PAPPA: variants seen among roughly 807,000 people sequenced by gnomAD.
The protein encoded by PAPPA is pappalysin-1.
PAPPA carries 60 observed loss-of-function variants against 164.0 expected under a neutral mutation model. The observed-to-expected ratio is 0.37, with a 90% CI of 0.30 to 0.45. PAPPA has a LOEUF of 0.45. Ranked by LOEUF, PAPPA falls within the 20% of genes least tolerant of loss-of-function variation. The pLI is 1.00. For missense variants in PAPPA, 1,782 were observed against 2,087.3 expected (o/e 0.85, Z 2.85); for synonymous variants, 875 against 814.1 (o/e 1.07, Z -1.27).
At chr9:116,393,840 G>A (rs1017228149) in intron 21 of PAPPA, among the ~76,000 whole-genome samples, 2 of 152,174 alleles carry the variant, frequency 1.3e-5, no homozygotes, top group African/African-American at 4.8e-5. Flanking sequence ...AAGCCACTGA[G>A]AGTGAGGAGG....
At chr9:116,239,416 C>T (rs562114662) in intron 7 of PAPPA, among the ~76,000 whole-genome samples, 2 of 152,240 alleles carry the variant, frequency 1.3e-5, no homozygotes, top group African/African-American at 2.4e-5. Flanking sequence ...GAGGCCAACA[C>T]ATTAAGCCCT....
At chr9:116,169,307 A>ATTTTTTTTTTTT (rs1843748582) in intron 1 of PAPPA, among the ~76,000 whole-genome samples, 3 of 41,322 alleles carry the variant, frequency 7.3e-5, no homozygotes, top group Non-Finnish European at 2.0e-4. Flanking sequence ...CTCCAAACCC[A>ATTTTTTTTTTTT]TTCTTTTTTT....
chr9:116,363,754 CAG>C (rs1200029341), intron 18 of PAPPA, among the ~76,000 whole-genome samples: 7 of 152,168 alleles, frequency 4.6e-5, no homozygotes, highest in African/African-American at 1.4e-4. Flanking sequence ...ATCCAGCAAA[CAG>C]AGAGTTATCA....
intron 12 of PAPPA, among the ~76,000 whole-genome samples, 171 bp from the exon 13 acceptor site, chr9:116,334,690 G>A (rs576165111): frequency 6.6e-6 from 1 of 152,270 alleles, no homozygotes; most frequent in East Asian, 1.9e-4. Flanking sequence ...AAGAAAAAAA[G>A]GCAGACAAAG....
intron 9 of PAPPA, among the ~76,000 whole-genome samples, chr9:116,278,799 G>A (rs531051958): frequency 7.3e-4 from 111 of 152,216 alleles, no homozygotes; most frequent in African/African-American, 2.5e-3. Context: ...CTGAGTCTCG[G>A]TTTCCTCTTC....
chr9:116,196,653 A>G (rs1210822752), intron 2 of PAPPA, among the ~76,000 whole-genome samples: 1 of 152,234 alleles, frequency 6.6e-6, no homozygotes, highest in Non-Finnish European at 1.5e-5. Flanking sequence ...CTAGTGTGTG[A>G]ACAGCATTGC....
chr9:116,322,778 CTG>C (rs138568957), intron 10 of PAPPA, among the ~76,000 whole-genome samples: 15 of 150,650 alleles, frequency 1.0e-4, no homozygotes, highest in South Asian at 4.2e-4. Flanking sequence ...CACTGGCTGG[CTG>C]TGTGTGTGTG....
chr9:116,160,306 A>G (rs1252996065), intron 1 of PAPPA, among the ~76,000 whole-genome samples: 1 of 152,104 alleles, frequency 6.6e-6, no homozygotes. Flanking sequence ...AGGTCCTGAC[A>G]TTTCATTTTT....
intron 7 of PAPPA, among the ~76,000 whole-genome samples, chr9:116,252,303 C>T (rs1844868988): frequency 6.6e-6 from 1 of 152,172 alleles, no homozygotes; most frequent in Non-Finnish European, 1.5e-5. Flanking sequence ...AATCCAAATG[C>T]CCAATGGAGT....
At chr9:116,248,761 G>T (rs981070615) in intron 7 of PAPPA, among the ~76,000 whole-genome samples, 2 of 152,224 alleles carry the variant, frequency 1.3e-5, no homozygotes, top group Non-Finnish European at 2.9e-5. Context: ...ACATCATGTA[G>T]ATGGTCAATA....
At chr9:116,365,423 C>A (rs1846487187) in intron 18 of PAPPA, among the ~76,000 whole-genome samples, 1 of 152,096 alleles carries the variant, frequency 6.6e-6, no homozygotes, top group Non-Finnish European at 1.5e-5. Flanking sequence ...TATCACAACA[C>A]AGCAGCCTGG....
intron 15 of PAPPA, among the ~76,000 whole-genome samples, chr9:116,348,258 T>G (rs1319666563): frequency 1.3e-5 from 2 of 151,684 alleles, no homozygotes; most frequent in Non-Finnish European, 2.9e-5. Context: ...CAGAGTACTG[T>G]GCTGAGGCTT....
At chr9:116,314,060 CTTTTTTTTT>C (rs57871796) in intron 10 of PAPPA, among the ~76,000 whole-genome samples, 7 of 69,696 alleles carry the variant, frequency 1.0e-4, no homozygotes, top group South Asian at 4.7e-4. Flanking sequence ...TGCATCGAAT[CTTTTTTTTT>C]TTTTTTTTTT....
At chr9:116,331,192 G>A (rs1487548748) in intron 10 of PAPPA, 52 bp from the exon 11 acceptor site, 2 of 1,160,094 alleles carry the variant, frequency 1.7e-6, no homozygotes, top group African/African-American at 3.0e-5. Context: ...GAATTTAGTT[G>A]AACTTCTGAC....
intron 19 of PAPPA, chr9:116,373,073 A>C (rs895857014): frequency 1.3e-5 from 2 of 152,218 alleles, no homozygotes; most frequent in Non-Finnish European, 2.9e-5. Flanking sequence ...TTTTGTGGAA[A>C]GCCCTGCCGA....
At chr9:116,233,778 C>T (rs1004348155) in intron 6 of PAPPA, among the ~76,000 whole-genome samples, 10 of 152,074 alleles carry the variant, frequency 6.6e-5, no homozygotes, top group African/African-American at 2.4e-4. Flanking sequence ...ATTCCTGTTA[C>T]CCTGTAACAT....
intron 1 of PAPPA, among the ~76,000 whole-genome samples, chr9:116,173,749 G>C (rs929736759): frequency 2.0e-5 from 3 of 152,112 alleles, no homozygotes; most frequent in African/African-American, 7.2e-5. Flanking sequence ...CCCAAATCCT[G>C]TACCTCATGC....
At chr9:116,367,521 C>T (rs1846516721) in intron 18 of PAPPA, 124 bp from the exon 19 acceptor site, 2 of 686,850 alleles carry the variant, frequency 2.9e-6, no homozygotes, top group South Asian at 1.7e-5. Context: ...TTCCCACTGC[C>T]TTCAGGTTGG....
chr9:116,198,728 G>T (rs920305279), intron 2 of PAPPA, among the ~76,000 whole-genome samples: 9 of 152,160 alleles, frequency 5.9e-5, no homozygotes, highest in South Asian at 2.1e-4. Flanking sequence ...CTGACACTTT[G>T]CTTTCTGTCC....
Sources: allele counts gnomAD v4.1 joint callset (sites outside exome capture counted in the v4.1 genomes callset), GRCh38; gene constraint gnomAD v4.1.1; transcripts MANE v1.5; gene names NCBI Gene and HGNC (gene_info 2026-07-23, HGNC 2026-07-21).